SEC22A: variants seen among roughly 807,000 people sequenced by gnomAD.
The protein encoded by SEC22A is SEC22 homolog A, vesicle trafficking protein.
SEC22A carries 22 observed loss-of-function variants against 35.3 expected under a neutral mutation model. The ratio of observed to expected loss-of-function variants is 0.62; its 90% confidence interval spans 0.45 to 0.89. SEC22A has a LOEUF of 0.89. Among genes scored for constraint, SEC22A ranks in the 40% least tolerant of loss-of-function variants. The pLI is 0.00. For missense variants in SEC22A, 354 were observed against 362.5 expected, an observed-to-expected ratio of 0.98 and a Z score of 0.19; for synonymous variants, 119 against 129.5, an observed-to-expected ratio of 0.92 and a Z score of 0.55.
chr3:123,248,707 T>C (rs922642199), intron 5 of SEC22A, among the ~76,000 whole-genome samples: 7 of 152,210 alleles, frequency 4.6e-5, no homozygotes, highest in African/African-American at 1.7e-4. Context: ...TTCAAGTTAT[T>C]TGATGGATAT....
intron 1 of SEC22A, among the ~76,000 whole-genome samples, chr3:123,206,595 T>TA (rs66692423): frequency 0.047 from 7,055 of 150,476 alleles, 258 homozygotes; most frequent in African/African-American, 0.097. Flanking sequence ...TAAAACATGG[T>TA]AAAAAAAAAA....
intron 2 of SEC22A, among the ~76,000 whole-genome samples, chr3:123,213,267 T>C (rs960335245): frequency 2.6e-5 from 4 of 152,218 alleles, no homozygotes; most frequent in African/African-American, 9.6e-5. Context: ...TTACCTTATA[T>C]GACATTGAGC....
chr3:123,269,179 A>ATGTGTGTGTGTGTGTGTGTG (rs200267944), intron 6 of SEC22A, among the ~76,000 whole-genome samples: 1 of 120,664 alleles, frequency 8.3e-6, no homozygotes, highest in African/African-American at 3.1e-5. Context: ...AATTAAATAT[A>ATGTGTGTGTGTGTGTGTGTG]TGTGTGTGTG....
At chr3:123,207,091 G>A (rs1468351340) in intron 1 of SEC22A, among the ~76,000 whole-genome samples, 2 of 152,108 alleles carry the variant, frequency 1.3e-5, no homozygotes, top group Non-Finnish European at 2.9e-5. Flanking sequence ...GTCTCTGAAG[G>A]AGAAAAATAT....
intron 4 of SEC22A, among the ~76,000 whole-genome samples, chr3:123,228,591 AAAAG>A (rs1411341840): frequency 3.3e-5 from 5 of 150,854 alleles, no homozygotes; most frequent in Non-Finnish European, 7.4e-5. Flanking sequence ...AAAAAAAAAA[AAAAG>A]AAAGAAAATA....
At chr3:123,270,477 ACTTT>A (rs1210713294) in intron 6 of SEC22A, among the ~76,000 whole-genome samples, 15 of 152,156 alleles carry the variant, frequency 9.9e-5, no homozygotes, top group African/African-American at 3.6e-4. Flanking sequence ...TCTCTCTTAG[ACTTT>A]GTGGTTCCTA....
chr3:123,216,801 T>C (rs1937034419), intron 2 of SEC22A, among the ~76,000 whole-genome samples: 1 of 152,218 alleles, frequency 6.6e-6, no homozygotes, highest in African/African-American at 2.4e-5. Context: ...TATGCTCACT[T>C]TGTTAATGTT....
chr3:123,205,053 A>G (rs1191578770), intron 1 of SEC22A, among the ~76,000 whole-genome samples: 3 of 152,158 alleles, frequency 2.0e-5, no homozygotes, highest in Non-Finnish European at 2.9e-5. Flanking sequence ...TTAGTTTAAA[A>G]AAAAACAAAC....
rs1247782549 is a variant in SEC22A at position 123,264,461 on chromosome 3, CA to C, written c.723+4873del. Among the ~76,000 whole-genome samples, 9 of 151,686 alleles carry C rather than the reference CA, an allele frequency of 5.9e-5. No individual in the cohort carries two copies. The East Asian group carries it at 1.7e-3, about 29-fold the overall frequency. On this transcript the variant is annotated intron_variant, in intron 6 of 6. Transcript: ENST00000492595. ...TCTAGTTTCTCTGCATCCTCACCAG[CA>C]TTTGATATTGTCACTATTTTTTATT... is the stretch of plus-strand genomic sequence containing the variant.
intron 6 of SEC22A, 39 bp downstream of exon 6, chr3:123,259,628 T>C (rs1490025196): frequency 7.3e-7 from 1 of 1,377,212 alleles, no homozygotes; most frequent in Non-Finnish European, 1.0e-6. Context: ...CTTACCATTA[T>C]TGTTTACTTC....
intron 4 of SEC22A, among the ~76,000 whole-genome samples, chr3:123,244,207 CCTT>C (rs1355144658): frequency 2.0e-5 from 3 of 152,064 alleles, no homozygotes; most frequent in African/African-American, 7.2e-5. Flanking sequence ...AGAAGTGTCA[CCTT>C]CTTATGTTGT....
intron 4 of SEC22A, among the ~76,000 whole-genome samples, chr3:123,227,601 A>G (rs1937236207): frequency 6.6e-6 from 1 of 152,216 alleles, no homozygotes; most frequent in Non-Finnish European, 1.5e-5. Context: ...AACTTAAAGT[A>G]TAATAAAAAA....
In SEC22A at chr3:123,245,987, C is replaced by A; in HGVS notation, c.630C>A (p.Gly210=). Residue 210 remains glycine, a synonymous_variant, in exon 5 of 7, where the codon GGC becomes GGA. Transcript: ENST00000492595. ...GTGGAGCTCTGAATTTAATTCGAGG[C>A]TTTCATGCTATAGAAAGTCTCCTGC... ...LLCGALNLIR[G]FHAIESLLQS... 6.2e-7 allele frequency: 1 copy of A among 1,609,922 alleles called. No homozygotes were observed. Among genetic ancestry groups the A allele is most frequent in the South Asian group, 1.1e-5 (1 of 90,964 alleles).
At chr3:123,249,589 G>T (rs1280999787) in intron 5 of SEC22A, among the ~76,000 whole-genome samples, 7 of 151,982 alleles carry the variant, frequency 4.6e-5, no homozygotes, top group Non-Finnish European at 7.4e-5. Flanking sequence ...CAATGGCATG[G>T]TTTCGGCTCA....
chr3:123,250,091 A>G (rs958548084), intron 5 of SEC22A, among the ~76,000 whole-genome samples: 3 of 152,184 alleles, frequency 2.0e-5, no homozygotes, highest in African/African-American at 4.8e-5. Flanking sequence ...AAAATCCATC[A>G]TTAAAACACA....
rs141451277 is a variant in SEC22A at position 123,239,958 on chromosome 3, T to C, written c.542-5941T>C. Among the ~76,000 whole-genome samples, 1,452 of 152,282 alleles carry C rather than the reference T, an allele frequency of 9.5e-3. 11 individuals are homozygous for C. Among genetic ancestry groups the C allele is most frequent in the Non-Finnish European group, 0.014 (962 of 68,012 alleles). ...TTTAAGATTGGCTAGTTTGAATAAT[T>C]TCAATGGACTCTGGGGCATAGGTTC... is the stretch of plus-strand genomic sequence containing the variant. On this transcript the variant is annotated intron_variant, in intron 4 of 6. Coordinates refer to ENST00000492595, the MANE Select transcript of SEC22A (RefSeq NM_012430.5).
rs79256602 is a variant in SEC22A, at chr3:123,216,778, A to G, written c.183-6781A>G. On this transcript the variant is annotated intron_variant, in intron 2 of 6. Coordinates refer to ENST00000492595, the MANE Select transcript of SEC22A (RefSeq NM_012430.5). ...TCTATGAGACATATTTGGTGATAATACAATTCATAAGATATGCTCACTTTG... is the reference window on the plus strand; with the variant it reads ...TCTATGAGACATATTTGGTGATAATGCAATTCATAAGATATGCTCACTTTG... Among the ~76,000 whole-genome samples, 882 of 152,320 alleles carry G rather than the reference A, an allele frequency of 5.8e-3. 8 individuals are homozygous for G. The highest frequency in any genetic ancestry group is 0.02 in the African/African-American group (829 of 41,576).
At chr3:123,226,015 A>G (rs1937213409) in intron 4 of SEC22A, among the ~76,000 whole-genome samples, 1 of 152,254 alleles carries the variant, frequency 6.6e-6, no homozygotes, top group South Asian at 2.1e-4. Flanking sequence ...GTGCTGTTGC[A>G]AATGATAGGA....
intron 2 of SEC22A, among the ~76,000 whole-genome samples, chr3:123,223,253 T>A (rs1214446741): frequency 6.6e-6 from 1 of 152,208 alleles, no homozygotes; most frequent in Non-Finnish European, 1.5e-5. Flanking sequence ...AAGCTATCTG[T>A]AATACTTACA....
Sources: gnomAD v4.1 joint callset for allele counts (sites outside exome capture counted in the v4.1 genomes callset) on GRCh38, gnomAD v4.1.1 for gene constraint, MANE v1.5 for transcripts, NCBI Gene and HGNC (gene_info 2026-07-23, HGNC 2026-07-21) for gene names.